GRID2IP: variants seen among roughly 807,000 people sequenced by gnomAD.
GRID2IP encodes the protein Grid2 interacting protein.
GRID2IP carries 78 observed loss-of-function variants against 114.3 expected under a neutral mutation model. The ratio of observed to expected loss-of-function variants is 0.68; its 90% CI spans 0.57 to 0.82. The LOEUF (loss-of-function observed/expected upper bound fraction) is 0.82. Among genes scored for constraint, GRID2IP ranks in the 40% least tolerant of loss-of-function variants. The pLI, the probability that GRID2IP is intolerant of heterozygous loss-of-function variation, is 0.00. For missense variants in GRID2IP, 1,727 were observed against 1,678.5 expected (o/e 1.03, Z -0.51); for synonymous variants, 809 against 724.0 (o/e 1.12, Z -1.89).
At chr7:6,511,108 G>A in intron 8 of GRID2IP, 69 bp from the exon 9 acceptor site, 1 of 1,325,986 alleles carries the variant, frequency 7.5e-7, no homozygotes. Flanking sequence ...CCAAAACAGG[G>A]AGGGGAGGGC....
chr7:6,540,521 T>C (rs1198462301), intron 1 of GRID2IP, among the ~76,000 whole-genome samples: 1 of 151,496 alleles, frequency 6.6e-6, no homozygotes, highest in Non-Finnish European at 1.5e-5. Flanking sequence ...TTTATTGTTA[T>C]TTATTTATTT....
In GRID2IP at chr7:6,534,411, C is replaced by T. The variant is rs1435107797; in HGVS notation, c.584+5307G>A. On this transcript the variant is annotated intron_variant, in intron 2 of 21. Coordinates refer to ENST00000457091, the MANE Select transcript of GRID2IP (RefSeq NM_001145118.2). The surrounding 1 kb of genome is among the most constrained non-coding windows in gnomAD (Gnocchi z 4.5). Reference sequence around the variant, plus strand: ...TCCTAATTAGAAAGCCATTTTCTCACTTCATCAGACCGGGGTCCCTTTGGG... The same window carrying T: ...TCCTAATTAGAAAGCCATTTTCTCATTTCATCAGACCGGGGTCCCTTTGGG... Among the ~76,000 whole-genome samples the T allele has an allele frequency of 6.6e-6, 1 of 152,250 alleles. No individual in the cohort carries two copies. Among genetic ancestry groups the T allele is most frequent in the Non-Finnish European group, 1.5e-5 (1 of 68,046 alleles).
chr7:6,534,356 C>T lies in GRID2IP; in HGVS notation c.584+5362G>A, dbSNP rs1365597149. On this transcript the variant is annotated intron_variant, in intron 2 of 21. Coordinates refer to ENST00000457091, the MANE Select transcript of GRID2IP (RefSeq NM_001145118.2). The surrounding 1 kb of genome is among the most constrained non-coding windows in gnomAD (Gnocchi z 4.5). ...CTCTGCTTTCCTGTTCCCTCCTGGC[C>T]ACGTCACACTTTCCAAACTGCCTGG... is the stretch of plus-strand genomic sequence containing the variant. Among the ~76,000 whole-genome samples, 2 of 152,180 alleles carry T rather than the reference C, an allele frequency of 1.3e-5. No homozygotes were observed. Among genetic ancestry groups the T allele is most frequent in the African/African-American group, 4.8e-5 (2 of 41,448 alleles).
chr7:6,514,185 G>A (rs963131813), intron 8 of GRID2IP, among the ~76,000 whole-genome samples, 190 bp downstream of exon 8: 3 of 151,610 alleles, frequency 2.0e-5, no homozygotes, highest in Admixed American at 6.6e-5. Context: ...CTTGGGAGGC[G>A]GAGGTTGCAG....
At chr7:6,548,747 C>A (rs1353454949) in intron 1 of GRID2IP, among the ~76,000 whole-genome samples, 1 of 150,390 alleles carries the variant, frequency 6.6e-6, no homozygotes, top group Non-Finnish European at 1.5e-5. Context: ...GAGGCTGAGG[C>A]AGGAGAATCA....
intron 8 of GRID2IP, 35 bp from the exon 9 acceptor site, chr7:6,511,074 C>T (rs780485621): frequency 2.9e-6 from 4 of 1,367,068 alleles, no homozygotes; most frequent in South Asian, 3.5e-5. Context: ...GGCCCTCTTG[C>T]CCTCTCAGCC....
Position 6,504,890 on chromosome 7 carries a change from T to G in GRID2IP, c.2633-20A>C. The G allele has an allele frequency of 6.5e-7, 1 of 1,549,512 alleles. No individual in the cohort carries two copies. Among genetic ancestry groups the G allele is most frequent in the Non-Finnish European group, 8.7e-7 (1 of 1,145,618 alleles). On this transcript the variant is annotated intron_variant, in intron 14 of 21. Coordinates refer to ENST00000457091, the MANE Select transcript of GRID2IP (RefSeq NM_001145118.2). ...CCGGTTCTGGAAAAGAAACTGACAGTTTACGGAGGCGGCTAGGCTGAGGCT... is the reference window on the plus strand; with the variant it reads ...CCGGTTCTGGAAAAGAAACTGACAGGTTACGGAGGCGGCTAGGCTGAGGCT...
At position 6,508,589 on chromosome 7, in the gene GRID2IP, G is replaced by T. The variant is rs983409032; in HGVS notation, c.2128-188C>A. Reference sequence around the variant, plus strand: ...CACAGGTTAACCTCAGGCTGTGAGGGGGATAGCCTGGGCTAAGGATAGGAC... The same window carrying T: ...CACAGGTTAACCTCAGGCTGTGAGGTGGATAGCCTGGGCTAAGGATAGGAC... On this transcript the variant is annotated intron_variant, in intron 12 of 21. Coordinates refer to ENST00000457091, the MANE Select transcript of GRID2IP (RefSeq NM_001145118.2). This position sits in a 1 kb window ranked among gnomAD's most constrained non-coding sequence, Gnocchi z 5.6. Among the ~76,000 whole-genome samples, 1 of 151,558 alleles carries T rather than the reference G, an allele frequency of 6.6e-6. No individual in the cohort carries two copies. Among genetic ancestry groups the T allele is most frequent in the African/African-American group, 2.4e-5 (1 of 41,382 alleles).
In GRID2IP at chr7:6,520,770, AC is replaced by A; in HGVS notation, c.1085-10del. On this transcript the variant is annotated splice_polypyrimidine_tract_variant and intron_variant, in intron 6 of 21. Transcript: ENST00000457091. The surrounding 1 kb of genome is among the most constrained non-coding windows in gnomAD (Gnocchi z 4.6). ...GTCCAGAGAATCGGAGTCTGCTGGG[AC>A]CACAGGCGGGAGAGGCATGAGTGAC... The A allele has an allele frequency of 1.3e-6, 2 of 1,546,870 alleles. No individual in the cohort carries two copies. Among genetic ancestry groups the A allele is most frequent in the Non-Finnish European group, 1.7e-6 (2 of 1,143,366 alleles).
Position 6,547,989 on chromosome 7 carries a change from G to A in GRID2IP, c.429+3019C>T, listed in dbSNP as rs560401557. Among the ~76,000 whole-genome samples, 49 of 152,316 alleles carry A rather than the reference G, an allele frequency of 3.2e-4. 1 individual carries two copies. Among genetic ancestry groups the A allele is most frequent in the Admixed American group, 5.2e-4 (8 of 15,296 alleles). On this transcript the variant is annotated intron_variant, in intron 1 of 21. Coordinates refer to ENST00000457091, the MANE Select transcript of GRID2IP (RefSeq NM_001145118.2). ...AGAACTGAGCAGATTCCCTTCCACG[G>A]AGGAAAAGTCTGTGAGCTTGATAAC...
At chr7:6,544,942 G>C (rs766360048) in intron 1 of GRID2IP, among the ~76,000 whole-genome samples, 1 of 152,008 alleles carries the variant, frequency 6.6e-6, no homozygotes, top group Non-Finnish European at 1.5e-5. Flanking sequence ...AATTAGCCAG[G>C]TGGGCGTGAT....
At position 6,519,642 on chromosome 7, in the gene GRID2IP, A is replaced by T. The variant is rs2115070401; in HGVS notation, c.1268+936T>A. ...CGTGGTGGCATATGCCTGTAATCCC[A>T]GCTACTTGGGAGGCTGAGGCAGGAG... On this transcript the variant is annotated intron_variant, in intron 7 of 21. Transcript: ENST00000457091. The surrounding 1 kb of genome is among the most constrained non-coding windows in gnomAD (Gnocchi z 4.1). Among the ~76,000 whole-genome samples, 1 of 152,272 alleles carries T rather than the reference A, an allele frequency of 6.6e-6. No homozygotes were observed. Among genetic ancestry groups the T allele is most frequent in the Non-Finnish European group, 1.5e-5 (1 of 68,020 alleles).
Position 6,520,589 on chromosome 7 carries a change from G to A in GRID2IP, c.1257C>T (p.Phe419=). The change falls in exon 7 of 22, where the codon TTC becomes TTT. Residue 419 remains phenylalanine, a synonymous_variant. Coordinates refer to ENST00000457091, the MANE Select transcript of GRID2IP (RefSeq NM_001145118.2). This position sits in a 1 kb window ranked among gnomAD's most constrained non-coding sequence, Gnocchi z 4.6. ...RYGVCRALES[F]FQHRNIDTLI... is the part of the protein sequence containing the mutation. ...TTTGGCCCGGCCACCTGTGCTGGAAGAAGCTCTCGAGGGCCCGGCAGACCC... is the reference window on the plus strand; with the variant it reads ...TTTGGCCCGGCCACCTGTGCTGGAAAAAGCTCTCGAGGGCCCGGCAGACCC... The A allele has an allele frequency of 6.4e-7, 1 of 1,551,100 alleles. No homozygotes were observed. The highest frequency in any genetic ancestry group is 1.7e-4 in the Middle Eastern group (1 of 5,930).
intron 1 of GRID2IP, among the ~76,000 whole-genome samples, chr7:6,540,687 AT>A (rs34930808): frequency 1.2e-4 from 11 of 92,278 alleles, no homozygotes; most frequent in Middle Eastern, 8.1e-3. Context: ...CACCTGGCTA[AT>A]TTTTTTTTTT....
Position 6,507,973 on chromosome 7 carries a change from C to G in GRID2IP, c.2544+12G>C. 6.5e-7 allele frequency: 1 copy of G among 1,549,872 alleles called. No homozygotes were observed. The highest frequency in any genetic ancestry group is 8.7e-7 in the Non-Finnish European group (1 of 1,146,694). Reference sequence around the variant, plus strand: ...CCCAGTACAGAGCGCTGCTGGGTCCCAGGTCACCTACCTGACCCCAGATGG... The same window carrying G: ...CCCAGTACAGAGCGCTGCTGGGTCCGAGGTCACCTACCTGACCCCAGATGG... On this transcript the variant is annotated intron_variant, in intron 13 of 21. Transcript: ENST00000457091. The surrounding 1 kb of genome is among the most constrained non-coding windows in gnomAD (Gnocchi z 5.3).
rs1779390612 is a variant in GRID2IP, at chr7:6,520,452, A to G, written c.1268+126T>C. On this transcript the variant is annotated intron_variant, in intron 7 of 21. Coordinates refer to ENST00000457091, the MANE Select transcript of GRID2IP (RefSeq NM_001145118.2). The surrounding 1 kb of genome is among the most constrained non-coding windows in gnomAD (Gnocchi z 4.6). ...CCTGGGGCCCCTGATACCAGCAGCC[A>G]CCTTCCTGAGCATCCCCCAGGAGAA... 1 of 1,104,924 alleles carries G rather than the reference A, an allele frequency of 9.1e-7. No homozygotes were observed. Among genetic ancestry groups the G allele is most frequent in the Admixed American group, 2.8e-5 (1 of 35,496 alleles). 68.4% of individuals were successfully genotyped at this position (1,104,924 alleles called of 1,614,324 possible).
rs998948917 is a variant in GRID2IP at position 6,521,420 on chromosome 7, G to T, written c.1084+9C>A. The stretch of plus-strand genomic sequence containing the variant: ...GGCCAAGGAAGCCAAGTGTCCATGG[G>T]GGTCTCACCACTGGCAAATGGGACG... On this transcript the variant is annotated intron_variant, in intron 6 of 21. Coordinates refer to ENST00000457091, the MANE Select transcript of GRID2IP (RefSeq NM_001145118.2). The surrounding 1 kb of genome is among the most constrained non-coding windows in gnomAD (Gnocchi z 4.1). 6.5e-7 allele frequency: 1 copy of T among 1,532,102 alleles called. No individual in the cohort carries two copies. Among genetic ancestry groups the T allele is most frequent in the Non-Finnish European group, 8.8e-7 (1 of 1,136,062 alleles). 94.9% of individuals were successfully genotyped at this position (1,532,102 alleles called of 1,614,324 possible). A position where few individuals can be genotyped will look rare whatever the true frequency, so the allele number is the denominator to read the frequency against.
chr7:6,550,976 TCCCGCCCCCACCTCCCACC>T lies in GRID2IP; in HGVS notation c.429+13_429+31del. 2.0e-6 allele frequency: 2 copies of T among 1,015,788 alleles called. No individual in the cohort carries two copies. The highest frequency in any genetic ancestry group is 4.5e-5 in the South Asian group (1 of 22,026). 62.9% of individuals were successfully genotyped at this position (1,015,788 alleles called of 1,614,324 possible). A position where few individuals can be genotyped will look rare whatever the true frequency, so the allele number is the denominator to read the frequency against. Reference sequence around the variant, plus strand: ...CTGCCCACATTATGAGCCCCCTCCTTCCCGCCCCCACCTCCCACCCCCGCGCCTTACCTTGCGGCTGAAC... The same window carrying T: ...CTGCCCACATTATGAGCCCCCTCCTTCCCGCGCCTTACCTTGCGGCTGAAC... On this transcript the variant is annotated intron_variant, in intron 1 of 21. Coordinates refer to ENST00000457091, the MANE Select transcript of GRID2IP (RefSeq NM_001145118.2).
chr7:6,511,451 C>A (rs941297322), intron 8 of GRID2IP, among the ~76,000 whole-genome samples: 1 of 152,112 alleles, frequency 6.6e-6, no homozygotes, highest in Non-Finnish European at 1.5e-5. Context: ...CAGCTCACTG[C>A]AACCTCCACC....
Sources: allele counts gnomAD v4.1 joint callset (sites outside exome capture counted in the v4.1 genomes callset), GRCh38; gene constraint gnomAD v4.1.1; non-coding constraint Gnocchi (gnomAD v3.1); transcripts MANE v1.5; gene names NCBI Gene and HGNC (gene_info 2026-07-23, HGNC 2026-07-21).